Variants in WBP2NL observed in about 807,000 individuals in gnomAD.
The protein encoded by WBP2NL is postacrosomal sheath WW domain-binding protein.
A neutral mutation model predicts 23.3 loss-of-function variants in WBP2NL; 27 were observed. The ratio of observed to expected loss-of-function variants is 1.16; its 90% CI spans 0.85 to 1.60. WBP2NL has a LOEUF of 1.60. WBP2NL is among the 40% of genes most tolerant of loss of function. The pLI is 0.00. For missense variants in WBP2NL, 370 were observed against 389.5 expected (o/e 0.95, Z 0.42); for synonymous variants, 151 against 145.9 (o/e 1.03, Z -0.25).
At chr22:42,026,671 C>G in intron 5 of WBP2NL, 95 bp from the exon 6 acceptor site, 2 of 1,522,846 alleles carry the variant, frequency 1.3e-6, no homozygotes, top group Non-Finnish European at 1.8e-6. Flanking sequence ...CTTCTTGCGT[C>G]AGTTTGCTTC....
Position 42,027,274 on chromosome 22 carries a change from C to T in WBP2NL, c.*93C>T. 6.8e-7 allele frequency: 1 copy of T among 1,460,636 alleles called. No individual in the cohort carries two copies. The highest frequency in any genetic ancestry group is 9.1e-7 in the Non-Finnish European group (1 of 1,099,694). The allele number at this position is 1,460,636 out of a possible 1,614,324, so 90.5% of individuals were successfully genotyped here. On this transcript the variant is annotated 3_prime_UTR_variant, in exon 6 of 6. Coordinates refer to ENST00000328823, the MANE Select transcript of WBP2NL (RefSeq NM_152613.3). ...GGAGGACGACTCAGGTATGTGATCACAGGCTTCTCGCAGGTAGTTGTTCCA... is the reference window on the plus strand; with the variant it reads ...GGAGGACGACTCAGGTATGTGATCATAGGCTTCTCGCAGGTAGTTGTTCCA...
At chr22:42,016,311 G>A (rs1470310463) in intron 1 of WBP2NL, among the ~76,000 whole-genome samples, 1 of 151,676 alleles carries the variant, frequency 6.6e-6, no homozygotes, top group Admixed American at 6.6e-5. Context: ...CCTCCCGGTA[G>A]CCTCATCAGT....
At position 42,027,891 on chromosome 22, in the gene WBP2NL, G is replaced by T; in HGVS notation, c.*710G>T. ...CAAAATGACAGAAATATGAATTGCCGAATAACCAAGGCAATAGCATGGCCA... is the reference window on the plus strand; with the variant it reads ...CAAAATGACAGAAATATGAATTGCCTAATAACCAAGGCAATAGCATGGCCA... On this transcript the variant is annotated 3_prime_UTR_variant, in exon 6 of 6. Coordinates refer to ENST00000328823, the MANE Select transcript of WBP2NL (RefSeq NM_152613.3). The T allele has an allele frequency of 2.5e-6, 1 of 398,218 alleles. No individual in the cohort carries two copies. Among genetic ancestry groups the T allele is most frequent in the South Asian group, 1.3e-4 (1 of 7,760 alleles). 24.7% of individuals were successfully genotyped at this position (398,218 alleles called of 1,614,324 possible).
intron 8 of WBP2NL, among the ~76,000 whole-genome samples, chr22:42,042,735 T>C (rs1896857239): frequency 6.6e-6 from 1 of 152,198 alleles, no homozygotes; most frequent in Non-Finnish European, 1.5e-5. Flanking sequence ...GTGATCCTTC[T>C]AGCCTTGCAT....
chr22:42,025,356 C>T (rs1017983297), intron 5 of WBP2NL, among the ~76,000 whole-genome samples: 3 of 152,182 alleles, frequency 2.0e-5, no homozygotes, highest in African/African-American at 4.8e-5. Context: ...TTAAAAATAG[C>T]TCATCAGCTA....
chr22:42,054,876 A>G (rs1188488434), intron 8 of WBP2NL, among the ~76,000 whole-genome samples: 1 of 152,260 alleles, frequency 6.6e-6, no homozygotes, highest in South Asian at 2.1e-4. Flanking sequence ...CAACAGAGTG[A>G]GACCTGGTGT....
At chr22:42,026,449 A>G (rs1924502097) in intron 5 of WBP2NL, among the ~76,000 whole-genome samples, 1 of 152,040 alleles carries the variant, frequency 6.6e-6, no homozygotes. Context: ...CTATTTTCCA[A>G]ACGCATATTC....
At chr22:42,046,614 A>G (rs1369803418) in intron 8 of WBP2NL, among the ~76,000 whole-genome samples, 1 of 152,204 alleles carries the variant, frequency 6.6e-6, no homozygotes, top group East Asian at 1.9e-4. Flanking sequence ...GACATCTTCA[A>G]TCTTAAACAT....
chr22:42,011,618 G>T (rs1206543921), intron 1 of WBP2NL, among the ~76,000 whole-genome samples: 5 of 151,982 alleles, frequency 3.3e-5, no homozygotes, highest in Non-Finnish European at 5.9e-5. Flanking sequence ...TTTTATGTTT[G>T]TTCATGATTC....
chr22:42,010,760 G>C (rs529984129), intron 1 of WBP2NL, among the ~76,000 whole-genome samples: 6 of 152,090 alleles, frequency 3.9e-5, no homozygotes, highest in African/African-American at 9.7e-5. Context: ...GGATGATCTC[G>C]ATCTCCTGAC....
At chr22:42,026,729 G>A (rs1478413508) in intron 5 of WBP2NL, 37 bp from the exon 6 acceptor site, 2 of 1,598,116 alleles carry the variant, frequency 1.3e-6, no homozygotes, top group Non-Finnish European at 1.7e-6. Context: ...TTGACTTAAA[G>A]GTAACTGAAT....
chr22:42,013,463 C>T (rs1923019697), intron 1 of WBP2NL, among the ~76,000 whole-genome samples: 1 of 151,548 alleles, frequency 6.6e-6, no homozygotes, highest in Non-Finnish European at 1.5e-5. Context: ...TGATGAGTCA[C>T]TTATCTTGTT....
intron 8 of WBP2NL, among the ~76,000 whole-genome samples, chr22:42,052,537 C>T (rs1925874392): frequency 6.6e-6 from 1 of 152,172 alleles, no homozygotes; most frequent in Admixed American, 6.5e-5. Flanking sequence ...ACCTTGGCCT[C>T]CCAGAGTGCT....
At chr22:42,025,333 T>C (rs958204999) in intron 5 of WBP2NL, among the ~76,000 whole-genome samples, 2 of 152,238 alleles carry the variant, frequency 1.3e-5, no homozygotes, top group Non-Finnish European at 2.9e-5. Context: ...TTTCTTCAAA[T>C]GTTATGAGAT....
At chr22:42,017,020 T>G (rs1029763569) in intron 1 of WBP2NL, among the ~76,000 whole-genome samples, 1 of 152,240 alleles carries the variant, frequency 6.6e-6, no homozygotes, top group Non-Finnish European at 1.5e-5. Context: ...TTCTCCCAAG[T>G]ATGCAGTTTG....
intron 1 of WBP2NL, among the ~76,000 whole-genome samples, chr22:42,007,966 G>T (rs2146762927): frequency 6.6e-6 from 1 of 152,002 alleles, no homozygotes; most frequent in African/African-American, 2.4e-5. Context: ...AATTTTTTTT[G>T]AGGAGCCTCC....
chr22:42,000,041 T>C (rs776172112), intron 1 of WBP2NL, among the ~76,000 whole-genome samples: 2 of 152,188 alleles, frequency 1.3e-5, no homozygotes, highest in African/African-American at 4.8e-5. Flanking sequence ...GCTGTGCAGT[T>C]CTAAATTGCG....
rs772789075 is a variant in WBP2NL, at chr22:42,019,733, G to A, written c.243G>A (p.Thr81=). Residue 81 remains threonine (T), a synonymous_variant, in exon 3 of 6, where the codon ACG becomes ACA. Transcript: ENST00000328823. ...LSFMMPFDLM[T]NLTVEQPVFA... ...TTATGATGCCATTTGATCTGATGAC[G>A]AACCTCACTGTTGAACAACCAGTAT... The A allele has an allele frequency of 7.4e-6, 12 of 1,614,024 alleles. No individual in the cohort carries two copies. Among genetic ancestry groups the A allele is most frequent in the East Asian group, 6.7e-5 (3 of 44,894 alleles).
At chr22:42,017,686 T>C (rs1923438278) in intron 1 of WBP2NL, among the ~76,000 whole-genome samples, 1 of 152,152 alleles carries the variant, frequency 6.6e-6, no homozygotes, top group African/African-American at 2.4e-5. Flanking sequence ...CTAATGATCA[T>C]TATACATTGG....
Sources: allele counts gnomAD v4.1 joint callset (sites outside exome capture counted in the v4.1 genomes callset), GRCh38; gene constraint gnomAD v4.1.1; transcripts MANE v1.5; gene names NCBI Gene and HGNC (gene_info 2026-07-23, HGNC 2026-07-21).